Variants in MAN1C1 observed in about 807,000 individuals in gnomAD.
The protein encoded by MAN1C1 is mannosidase alpha class 1C member 1.
A neutral mutation model predicts 71.5 loss-of-function variants in MAN1C1; 49 were observed. That is an observed-to-expected ratio of 0.69 (90% CI 0.54 to 0.87). The LOEUF (loss-of-function observed/expected upper bound fraction) is 0.87, where lower values mean the gene tolerates loss of function less well. Among genes scored for constraint, MAN1C1 ranks in the 40% least tolerant of loss-of-function variants. The probability of loss-of-function intolerance (pLI) is 0.00; values close to 1 mark genes in which losing one functional copy is unlikely to be tolerated. For synonymous variants in MAN1C1, 352 were observed against 343.7 expected (o/e 1.02, Z -0.27); for missense variants, 743 against 835.0 (o/e 0.89, Z 1.36).
intron 2 of MAN1C1, among the ~76,000 whole-genome samples, chr1:25,741,540 G>C (rs909506707): frequency 5.3e-5 from 8 of 152,192 alleles, no homozygotes; most frequent in Non-Finnish European, 1.2e-4. Flanking sequence ...GTCCCACTGT[G>C]GGGAGGACAC....
chr1:25,740,540 C>A (rs1426989632), intron 2 of MAN1C1, among the ~76,000 whole-genome samples: 1 of 152,096 alleles, frequency 6.6e-6, no homozygotes, highest in Non-Finnish European at 1.5e-5. Context: ...GAGTTCATGC[C>A]ATTCTCCTGT....
chr1:25,777,699 C>T, intron 8 of MAN1C1: 1 of 172,670 alleles, frequency 5.8e-6, no homozygotes, highest in Non-Finnish European at 1.2e-5. Flanking sequence ...GATGCACATC[C>T]ACCAGAAAGT....
chr1:25,659,661 T>G (rs1391547431), intron 1 of MAN1C1, among the ~76,000 whole-genome samples: 1 of 152,238 alleles, frequency 6.6e-6, no homozygotes, highest in African/African-American at 2.4e-5. Context: ...TCTCCTGGAC[T>G]CCAGCTTTGC....
intron 2 of MAN1C1, among the ~76,000 whole-genome samples, chr1:25,704,537 T>G (rs1348506435): frequency 6.6e-6 from 1 of 152,236 alleles, no homozygotes; most frequent in Admixed American, 6.5e-5. Flanking sequence ...CCCTGATGGC[T>G]GTTATGGCTT....
At chr1:25,712,983 AG>A (rs1236977035) in intron 2 of MAN1C1, among the ~76,000 whole-genome samples, 1 of 152,244 alleles carries the variant, frequency 6.6e-6, no homozygotes, top group Non-Finnish European at 1.5e-5. Context: ...CTCAGATACT[AG>A]GATCATCTAT....
chr1:25,758,477 C>T, intron 5 of MAN1C1, 115 bp from the exon 6 acceptor site: 1 of 842,610 alleles, frequency 1.2e-6, no homozygotes. Flanking sequence ...GCGAAAGCTC[C>T]TGGTTCCATG....
chr1:25,646,446 A>G (rs1423097585), intron 1 of MAN1C1: 1 of 152,244 alleles, frequency 6.6e-6, no homozygotes, highest in African/African-American at 2.4e-5. Context: ...GGTAAAATAC[A>G]TATAACATAA....
In MAN1C1 at chr1:25,746,254, G is replaced by A. The variant is rs189963360; in HGVS notation, c.638-414G>A. Among the ~76,000 whole-genome samples the A allele has an allele frequency of 6.6e-4, 100 of 152,316 alleles. No individual in the cohort carries two copies. The highest frequency in any genetic ancestry group is 1.2e-3 in the Non-Finnish European group (80 of 68,026). ...TGGGAGGCAGAGGTTGGAGTGAGCC[G>A]AGATCGCACCATTGCACTCCAGACT... is the stretch of plus-strand genomic sequence containing the variant. On this transcript the variant is annotated intron_variant, in intron 2 of 11. Coordinates refer to ENST00000374332, the MANE Select transcript of MAN1C1 (RefSeq NM_020379.4). This position sits in a 1 kb window ranked among gnomAD's most constrained non-coding sequence, Gnocchi z 4.0.
At chr1:25,756,929 T>A (rs1479443601) in intron 5 of MAN1C1, among the ~76,000 whole-genome samples, 1 of 152,030 alleles carries the variant, frequency 6.6e-6, no homozygotes, top group African/African-American at 2.4e-5. Flanking sequence ...AAGTTTCCCC[T>A]CCTGTGCAAC....
chr1:25,665,855 C>CTTTGTTTTTTTTTTTTTT (rs2045916099), intron 1 of MAN1C1, among the ~76,000 whole-genome samples: 1 of 96,914 alleles, frequency 1.0e-5, no homozygotes, highest in African/African-American at 4.2e-5. Flanking sequence ...TTGGCATTGG[C>CTTTGTTTTTTTTTTTTTT]TTTTTTTTTT....
intron 1 of MAN1C1, among the ~76,000 whole-genome samples, chr1:25,655,716 TG>T (rs1473133219): frequency 6.6e-6 from 1 of 152,174 alleles, no homozygotes; most frequent in Non-Finnish European, 1.5e-5. Flanking sequence ...GTCTATTGGA[TG>T]AAATTCTTCA....
chr1:25,622,782 T>A (rs912159829), intron 1 of MAN1C1, among the ~76,000 whole-genome samples: 1 of 152,260 alleles, frequency 6.6e-6, no homozygotes, highest in Non-Finnish European at 1.5e-5. Context: ...GGTTATGATA[T>A]GTGACAGTGT....
intron 1 of MAN1C1, among the ~76,000 whole-genome samples, chr1:25,664,358 A>C (rs1042991268): frequency 9.2e-5 from 14 of 152,044 alleles, no homozygotes; most frequent in African/African-American, 2.9e-4. Context: ...GGGGGAGAAA[A>C]CCTTACAGTA....
intron 2 of MAN1C1, among the ~76,000 whole-genome samples, chr1:25,703,515 C>T (rs2124224629): frequency 6.6e-6 from 1 of 152,250 alleles, no homozygotes; most frequent in East Asian, 1.9e-4. Context: ...AACCCCATCT[C>T]TACTAAAAAT....
At position 25,618,015 on chromosome 1, in the gene MAN1C1, C is replaced by T. The variant is rs752238060; in HGVS notation, c.218C>T (p.Ala73Val). The change falls in exon 1 of 12, where the codon GCC (alanine) becomes GTC (valine). Residue 73 changes from alanine to valine, a missense_variant. Ala to Val is a moderately conservative substitution (Grantham distance 64, BLOSUM62 0). Coordinates refer to ENST00000374332, the MANE Select transcript of MAN1C1 (RefSeq NM_020379.4). ...GTGGTGGCTGAAATCGCCGGCCATG[C>T]CCCGGCCCGCGAGCAGGAGCCGCCT... ...LEVVAEIAGH[A>V]PAREQEPPPN... is the part of the protein sequence containing the mutation. 1.2e-6 allele frequency: 2 copies of T among 1,600,610 alleles called. No individual in the cohort carries two copies. The highest frequency in any genetic ancestry group is 1.7e-5 in the Admixed American group (1 of 59,452).
At chr1:25,678,961 C>T (rs2046106929) in intron 1 of MAN1C1, among the ~76,000 whole-genome samples, 1 of 151,500 alleles carries the variant, frequency 6.6e-6, no homozygotes, top group Non-Finnish European at 1.5e-5. Flanking sequence ...GCCTTTGATA[C>T]ATTAAAAGGT....
At chr1:25,623,181 C>A (rs1176972646) in intron 1 of MAN1C1, among the ~76,000 whole-genome samples, 1 of 152,178 alleles carries the variant, frequency 6.6e-6, no homozygotes, top group African/African-American at 2.4e-5. Context: ...ACATCCTCAG[C>A]CCAGCCATAC....
At chr1:25,686,398 A>G (rs1553186533) in intron 1 of MAN1C1, 42 bp from the exon 2 acceptor site, 6 of 1,561,700 alleles carry the variant, frequency 3.8e-6, no homozygotes, top group South Asian at 1.1e-5. Context: ...ACTGCCAGGA[A>G]TCGTCACACT....
chr1:25,693,418 T>A (rs1177422962), intron 2 of MAN1C1, among the ~76,000 whole-genome samples: 2 of 151,380 alleles, frequency 1.3e-5, no homozygotes, highest in African/African-American at 4.8e-5. Context: ...GCCCCTGAGG[T>A]CAGGAGTTCG....
Sources: gnomAD v4.1 joint callset for allele counts (sites outside exome capture counted in the v4.1 genomes callset) on GRCh38, gnomAD v4.1.1 for gene constraint, Gnocchi (gnomAD v3.1) non-coding constraint, MANE v1.5 for transcripts, NCBI Gene and HGNC (gene_info 2026-07-23, HGNC 2026-07-21) for gene names.